Variants in RMND1 observed in about 807,000 individuals in gnomAD.
RMND1 encodes the protein required for meiotic nuclear division 1 homolog, also known as required for meiotic nuclear division protein 1 homolog.
RMND1 carries 41 observed loss-of-function variants against 54.0 expected under a neutral mutation model. The observed-to-expected ratio is 0.76, with a 90% CI of 0.59 to 0.98. The LOEUF is 0.98. Among genes scored for constraint, RMND1 ranks in the 50% least tolerant of loss-of-function variants. The probability of loss-of-function intolerance (pLI) is 0.00; values close to 1 mark genes in which losing one functional copy is unlikely to be tolerated. For synonymous variants in RMND1, 183 were observed against 181.7 expected, an observed-to-expected ratio of 1.01 and a Z score of -0.06; for missense variants, 457 against 532.0, an observed-to-expected ratio of 0.86 and a Z score of 1.39.
At chr6:151,414,466 C>T (rs1562785205) in intron 10 of RMND1, among the ~76,000 whole-genome samples, 1 of 152,076 alleles carries the variant, frequency 6.6e-6, no homozygotes, top group Non-Finnish European at 1.5e-5. Context: ...TCAGTAGACA[C>T]TAATATCAAG....
intron 2 of RMND1, among the ~76,000 whole-genome samples, chr6:151,440,379 T>C (rs939019623): frequency 1.3e-5 from 2 of 152,244 alleles, no homozygotes; most frequent in African/African-American, 4.8e-5. Flanking sequence ...ATTATGTGAA[T>C]ATTCCGACAC....
At chr6:151,424,366 G>A (rs887691515) in intron 6 of RMND1, among the ~76,000 whole-genome samples, 4 of 151,908 alleles carry the variant, frequency 2.6e-5, no homozygotes, top group Non-Finnish European at 4.4e-5. Context: ...GGGAGGCTGA[G>A]GCAGGAGAAT....
At chr6:151,445,082 T>C in intron 2 of RMND1, 1 of 451,938 alleles carries the variant, frequency 2.2e-6, no homozygotes, top group African/African-American at 1.9e-5. Flanking sequence ...ATAAACTCTA[T>C]TTTCATGTGT....
rs142568830 is a variant in RMND1 at position 151,437,297 on chromosome 6, T to C, written c.505-743A>G. On this transcript the variant is annotated intron_variant, in intron 2 of 11. Transcript: ENST00000444024. The stretch of plus-strand genomic sequence containing the variant: ...CTAAATAGAAAATATTACAGTGCAT[T>C]ATTCACAGGAAATGCTATTTTATGA... Among the ~76,000 whole-genome samples, 54 of 152,370 alleles carry C rather than the reference T, an allele frequency of 3.5e-4. 1 individual carries two copies. In the East Asian group the frequency reaches 0.01, roughly 29 times the overall value.
chr6:151,435,617 T>C (rs1780580956), intron 3 of RMND1, among the ~76,000 whole-genome samples: 1 of 150,830 alleles, frequency 6.6e-6, no homozygotes, highest in African/African-American at 2.4e-5. Context: ...CAGGGGTTTC[T>C]CTATGTTGGT....
intron 1 of RMND1, among the ~76,000 whole-genome samples, chr6:151,451,684 C>T (rs988799350): frequency 1.3e-5 from 2 of 152,178 alleles, no homozygotes; most frequent in Non-Finnish European, 2.9e-5. Context: ...TTTTAGAGAA[C>T]AATTACACCA....
chr6:151,434,862 T>C (rs1394661404), intron 3 of RMND1, among the ~76,000 whole-genome samples: 1 of 152,210 alleles, frequency 6.6e-6, no homozygotes, highest in Non-Finnish European at 1.5e-5. Context: ...AACTTATTTA[T>C]TTTTGAGACA....
intron 6 of RMND1, 84 bp downstream of exon 6, chr6:151,427,398 T>C (rs971288031): frequency 1.9e-5 from 14 of 736,156 alleles, no homozygotes; most frequent in Non-Finnish European, 2.7e-5. Context: ...AAAGTTTCCA[T>C]ATGCATAATA....
intron 10 of RMND1, chr6:151,411,603 C>G (rs934634153): frequency 3.9e-5 from 6 of 152,214 alleles, no homozygotes; most frequent in African/African-American, 1.4e-4. Flanking sequence ...GTACTCTTCA[C>G]TCAGGTGGGT....
Position 151,445,431 on chromosome 6 carries a change from G to C in RMND1, c.381C>G (p.Phe127Leu), listed in dbSNP as rs772016861. The C allele has an allele frequency of 5.0e-6, 8 of 1,614,022 alleles. No homozygotes were observed. Among genetic ancestry groups the C allele is most frequent in the Non-Finnish European group, 6.8e-6 (8 of 1,180,008 alleles). Residue 127 changes from phenylalanine to leucine, a missense_variant, in exon 2 of 12, where the codon TTC becomes TTG. Phe to Leu is a conservative substitution (Grantham distance 22). Transcript: ENST00000444024. ...KWFIKILKRH[F>L]SSVSTETFVP... is the part of the protein sequence containing the mutation. ...CAAATGTTTCCGTTGATACAGATGA[G>C]AAATGCCTCTTTAATATTTTTATAA...
rs575723028 is a variant in RMND1 at position 151,404,938 on chromosome 6, A to G, written c.*297T>C. On this transcript the variant is annotated 3_prime_UTR_variant, in exon 12 of 12. Transcript: ENST00000444024. ...GGCTGGAGTGCAGTGGTGTGATCTT[A>G]GCTCACTGCAACCTCCGCCTCCCAA... 23 of 300,468 alleles carry G rather than the reference A, an allele frequency of 7.7e-5. No individual in the cohort carries two copies. In the East Asian group the frequency reaches 2.0e-3, roughly 26 times the overall value. 18.6% of individuals were successfully genotyped at this position (300,468 alleles called of 1,614,324 possible).
chr6:151,431,405 GACAA>G (rs1276408916), intron 4 of RMND1, among the ~76,000 whole-genome samples: 5 of 152,200 alleles, frequency 3.3e-5, no homozygotes, highest in East Asian at 3.8e-4. Context: ...GCTTACAATA[GACAA>G]ACAGACTGGT....
chr6:151,423,741 C>G, intron 6 of RMND1, 110 bp from the exon 7 acceptor site: 1 of 748,520 alleles, frequency 1.3e-6, no homozygotes, highest in Non-Finnish European at 2.4e-6. Flanking sequence ...CAATTTGTAT[C>G]AAGAGTGTTA....
Position 151,405,972 on chromosome 6 carries a change from T to G in RMND1, c.1201-136A>C, listed in dbSNP as rs1443604847. On this transcript the variant is annotated intron_variant, in intron 10 of 11. Coordinates refer to ENST00000444024, the MANE Select transcript of RMND1 (RefSeq NM_017909.4). ...AAGGCAGCCACCAACATTATCAGTT[T>G]CTTGTGAATCCGTCCAGAGACATTT... 9.9e-6 allele frequency: 5 copies of G among 505,530 alleles called. No individual in the cohort carries two copies. In the Admixed American group the frequency reaches 1.4e-4, roughly 14 times the overall value. The allele number at this position is 505,530 out of a possible 1,614,324, so 31.3% of individuals were successfully genotyped here.
At chr6:151,449,386 G>C (rs1252803898) in intron 1 of RMND1, among the ~76,000 whole-genome samples, 1 of 142,454 alleles carries the variant, frequency 7.0e-6, no homozygotes, top group Non-Finnish European at 1.5e-5. Flanking sequence ...AAAAAAAAAA[G>C]CTAAACCCCT....
chr6:151,440,977 C>A (rs1780761196), intron 2 of RMND1, among the ~76,000 whole-genome samples: 1 of 150,868 alleles, frequency 6.6e-6, no homozygotes, highest in Non-Finnish European at 1.5e-5. Context: ...TCTACACCTT[C>A]CTGTTAAATA....
intron 10 of RMND1, among the ~76,000 whole-genome samples, chr6:151,414,797 AATG>A (rs1779951596): frequency 6.6e-6 from 1 of 152,208 alleles, no homozygotes; most frequent in Non-Finnish European, 1.5e-5. Context: ...GACCTTGTGA[AATG>A]ATAATAAAAG....
chr6:151,430,080 A>T, intron 5 of RMND1, 58 bp downstream of exon 5: 2 of 1,108,678 alleles, frequency 1.8e-6, no homozygotes, highest in South Asian at 1.3e-5. Flanking sequence ...TGTGCTAATT[A>T]ACAATTCATT....
chr6:151,425,012 C>T (rs984249773), intron 6 of RMND1, among the ~76,000 whole-genome samples: 2 of 152,030 alleles, frequency 1.3e-5, no homozygotes, highest in African/African-American at 2.4e-5. Flanking sequence ...GCGTGATCTT[C>T]GCTCACTGCA....
Sources: allele counts gnomAD v4.1 joint callset (sites outside exome capture counted in the v4.1 genomes callset), GRCh38; gene constraint gnomAD v4.1.1; transcripts MANE v1.5; gene names NCBI Gene and HGNC (gene_info 2026-07-23, HGNC 2026-07-21).